FBXO4: variants seen among roughly 807,000 people sequenced by gnomAD.
The protein encoded by FBXO4 is F-box only protein 4.
Under a neutral mutation model 43.7 loss-of-function variants are expected in FBXO4, and 36 were observed. The observed-to-expected ratio is 0.82, with a 90% confidence interval of 0.63 to 1.09. The LOEUF is 1.09. Among genes scored for constraint, FBXO4 ranks in the 50% least tolerant of loss-of-function variants. The pLI, the probability that FBXO4 is intolerant of heterozygous loss-of-function variation, is 0.00. For synonymous variants in FBXO4, 180 were observed against 165.6 expected, an observed-to-expected ratio of 1.09 and a Z score of -0.67; for missense variants, 435 against 474.1, an observed-to-expected ratio of 0.92 and a Z score of 0.77.
chr5:42,000,216 T>A, the FBXO4 span, among the ~76,000 whole-genome samples: 1 of 152,340 alleles, frequency 6.6e-6, no homozygotes, highest in Admixed American at 6.5e-5. Flanking sequence ...GCTTTATCCA[T>A]TTATTTGTTG....
the FBXO4 span, among the ~76,000 whole-genome samples, chr5:42,039,216 T>C: frequency 2.6e-5 from 4 of 152,274 alleles, no homozygotes; most frequent in Admixed American, 6.6e-5. Flanking sequence ...TTGTGCTTTT[T>C]TGTGACATCT....
chr5:41,952,582 A>T, the FBXO4 span, among the ~76,000 whole-genome samples: 1 of 152,166 alleles, frequency 6.6e-6, no homozygotes, highest in African/African-American at 2.4e-5. Flanking sequence ...TCAAAAAGGA[A>T]CTTTGTGCCT....
chr5:41,994,310 G>A, the FBXO4 span, among the ~76,000 whole-genome samples: 1 of 152,196 alleles, frequency 6.6e-6, no homozygotes. Flanking sequence ...TAGTACAAGT[G>A]TATACATGCA....
chr5:42,008,493 T>G, the FBXO4 span, among the ~76,000 whole-genome samples: 1 of 152,114 alleles, frequency 6.6e-6, no homozygotes, highest in Non-Finnish European at 1.5e-5. Context: ...ACTGATTTCT[T>G]CCAACTGACT....
the FBXO4 span, among the ~76,000 whole-genome samples, chr5:42,025,128 C>G: frequency 1.3e-5 from 2 of 151,860 alleles, no homozygotes; most frequent in African/African-American, 4.8e-5. Flanking sequence ...TTAGAAGCCT[C>G]CAAACTGTTC....
At chr5:41,927,822 G>C (rs1751554724) in intron 2 of FBXO4, among the ~76,000 whole-genome samples, 1 of 152,102 alleles carries the variant, frequency 6.6e-6, no homozygotes, top group Non-Finnish European at 1.5e-5. Context: ...TGGAATTAAG[G>C]TTCATGGAGG....
At chr5:42,035,257 T>A in the FBXO4 span, among the ~76,000 whole-genome samples, 4 of 152,004 alleles carry the variant, frequency 2.6e-5, no homozygotes, top group Admixed American at 6.6e-5. Flanking sequence ...AGAAGGGGAA[T>A]TTGACTGCAA....
At chr5:42,029,239 C>T in the FBXO4 span, among the ~76,000 whole-genome samples, 1 of 151,940 alleles carries the variant, frequency 6.6e-6, no homozygotes, top group Non-Finnish European at 1.5e-5. Flanking sequence ...AACTTTTTCT[C>T]ATTCAGCACT....
At chr5:41,937,391 A>G (rs1242969446) in intron 5 of FBXO4, among the ~76,000 whole-genome samples, 1 of 152,238 alleles carries the variant, frequency 6.6e-6, no homozygotes, top group Non-Finnish European at 1.5e-5. Flanking sequence ...GCAAGGGGGA[A>G]AAAACATCCT....
chr5:41,991,833 C>T, the FBXO4 span, among the ~76,000 whole-genome samples: 1 of 152,196 alleles, frequency 6.6e-6, no homozygotes. Flanking sequence ...AATGCCAGCA[C>T]TTTGGGAGGC....
At chr5:42,020,976 A>G in the FBXO4 span, among the ~76,000 whole-genome samples, 1 of 152,162 alleles carries the variant, frequency 6.6e-6, no homozygotes, top group Non-Finnish European at 1.5e-5. Flanking sequence ...GCCTAATGCA[A>G]CTGGAGTATA....
At chr5:41,969,681 G>A in the FBXO4 span, among the ~76,000 whole-genome samples, 1 of 152,210 alleles carries the variant, frequency 6.6e-6, no homozygotes, top group Non-Finnish European at 1.5e-5. Flanking sequence ...GATGTATTTA[G>A]GATAAATGGT....
At chr5:42,030,047 A>T in the FBXO4 span, among the ~76,000 whole-genome samples, 1 of 152,152 alleles carries the variant, frequency 6.6e-6, no homozygotes, top group Non-Finnish European at 1.5e-5. Context: ...TAATTTATAG[A>T]TTCAATGCCA....
the FBXO4 span, chr5:41,967,972 GCCACGCTCAGGCATGGC>G: frequency 4.1e-6 from 2 of 483,272 alleles, no homozygotes; most frequent in Admixed American, 2.1e-5. Flanking sequence ...GCTGACCAGA[GCCACGCTCAGGCATGGC>G]CCTTTGTTGC....
At chr5:41,999,187 A>C in the FBXO4 span, among the ~76,000 whole-genome samples, 1 of 151,646 alleles carries the variant, frequency 6.6e-6, no homozygotes, top group African/African-American at 2.4e-5. Context: ...TAAACAGTTA[A>C]TACCAAGGAC....
the FBXO4 span, among the ~76,000 whole-genome samples, chr5:41,972,819 G>A: frequency 1.3e-5 from 2 of 151,994 alleles, no homozygotes; most frequent in Non-Finnish European, 2.9e-5. Context: ...ACAAGCAATG[G>A]GAAAAGGACT....
At chr5:42,000,084 T>C in the FBXO4 span, among the ~76,000 whole-genome samples, 1 of 152,222 alleles carries the variant, frequency 6.6e-6, no homozygotes, top group African/African-American at 2.4e-5. Flanking sequence ...TTTATCTTTC[T>C]GTTTCTGGCT....
At position 41,939,430 on chromosome 5, in the gene FBXO4, ACATTCCTTAGGACATGAATGG is replaced by A. The variant is rs1332230681; in HGVS notation, c.899-8_911del. The stretch of plus-strand genomic sequence containing the variant: ...TAATGCAAATTAAGGGTTTTGACTT[ACATTCCTTAGGACATGAATGG>A]CAAGATGAATTTTCTCATATTATGG... On this transcript the variant is annotated splice_acceptor_variant and splice_polypyrimidine_tract_variant and coding_sequence_variant and intron_variant, in exon 6 of 7. Transcript: ENST00000281623. LOFTEE classifies it high-confidence loss of function. The A allele has an allele frequency of 1.3e-6, 2 of 1,584,328 alleles. No individual in the cohort carries two copies. Among genetic ancestry groups the A allele is most frequent in the African/African-American group, 2.7e-5 (2 of 73,814 alleles).
the FBXO4 span, among the ~76,000 whole-genome samples, chr5:41,988,120 G>T: frequency 2.8e-4 from 43 of 152,178 alleles, no homozygotes; most frequent in Non-Finnish European, 5.6e-4. Flanking sequence ...GTAACATGTG[G>T]GGGGGAGAGA....
Sources: allele counts gnomAD v4.1 joint callset (sites outside exome capture counted in the v4.1 genomes callset), GRCh38; gene constraint gnomAD v4.1.1; transcripts MANE v1.5; gene names NCBI Gene and HGNC (gene_info 2026-07-23, HGNC 2026-07-21).